USP8: variants seen among roughly 807,000 people sequenced by gnomAD.
USP8 encodes the protein ubiquitin specific peptidase 8.
USP8 carries 27 observed loss-of-function variants against 130.0 expected under a neutral mutation model. The observed-to-expected ratio is 0.21, with a 90% CI of 0.15 to 0.29. The LOEUF (loss-of-function observed/expected upper bound fraction) is 0.29. Ranked by LOEUF, USP8 falls within the 10% of genes least tolerant of loss-of-function variation. The pLI, the probability that USP8 is intolerant of heterozygous loss-of-function variation, is 1.00. For missense variants in USP8, 1,029 were observed against 1,312.2 expected, an observed-to-expected ratio of 0.78 and a Z score of 3.33; for synonymous variants, 392 against 444.1, an observed-to-expected ratio of 0.88 and a Z score of 1.48.
chr15:50,438,408 A>C (rs1210776117), intron 1 of USP8, among the ~76,000 whole-genome samples: 1 of 152,158 alleles, frequency 6.6e-6, no homozygotes, highest in Non-Finnish European at 1.5e-5. Context: ...ATATGACGAA[A>C]CCCCGTATCT....
chr15:50,494,287 A>AAT lies in USP8; in HGVS notation c.2658+8_2658+9dup. 1 of 1,590,274 alleles carries AAT rather than the reference A, an allele frequency of 6.3e-7. No individual in the cohort carries two copies. The highest frequency in any genetic ancestry group is 8.5e-7 in the Non-Finnish European group (1 of 1,172,800). ...CCATGAAGATCTAAATAAAGTAAGA[A>AAT]ATTTGATTTTTCTAAGTTGCAGAGA... On this transcript the variant is annotated splice_region_variant and intron_variant, in intron 16 of 19. Coordinates refer to ENST00000307179, the MANE Select transcript of USP8 (RefSeq NM_005154.5).
intron 17 of USP8, 68 bp from the exon 18 acceptor site, chr15:50,497,021 A>C (rs2141329198): frequency 5.2e-6 from 8 of 1,535,062 alleles, no homozygotes; most frequent in Non-Finnish European, 7.0e-6. Flanking sequence ...GACTAACTAA[A>C]TAGGTGCTCT....
Position 50,489,857 on chromosome 15 carries a change from A to G in USP8, c.1947A>G (p.Pro649=), listed in dbSNP as rs777660185. 7 of 1,584,782 alleles carry G rather than the reference A, an allele frequency of 4.4e-6. No homozygotes were observed. The highest frequency in any genetic ancestry group is 6.0e-6 in the Non-Finnish European group (7 of 1,166,684). ...GTGAAGAAATGGGGAGGATCGTACC[A>G]GGACTGCCTTCAGGCTGGGCCAAGG... The part of the protein sequence containing the change: ...ARSEEMGRIV[P]GLPSGWAKFL... The change falls in exon 13 of 20, where the codon CCA becomes CCG. Residue 649 remains proline, a synonymous_variant. Transcript: ENST00000307179.
intron 15 of USP8, chr15:50,493,203 G>C: frequency 1.9e-6 from 1 of 519,076 alleles, no homozygotes; most frequent in Non-Finnish European, 3.7e-6. Context: ...TCACCCGGGA[G>C]GGGAGCCCTC....
chr15:50,489,004 C>T lies in USP8; in HGVS notation c.1891-797C>T, dbSNP rs118063356. Reference sequence around the variant, plus strand: ...AGTGCTGGATTACAGGCATGAGCCACCCTGCCTGGCCTAGAATGTATGTAT... The same window carrying T: ...AGTGCTGGATTACAGGCATGAGCCATCCTGCCTGGCCTAGAATGTATGTAT... On this transcript the variant is annotated intron_variant, in intron 12 of 19. Coordinates refer to ENST00000307179, the MANE Select transcript of USP8 (RefSeq NM_005154.5). 2.0e-4 allele frequency among the ~76,000 whole-genome samples: 31 copies of T among 152,168 alleles called. No individual in the cohort carries two copies. In the East Asian group the frequency reaches 6.0e-3, roughly 29 times the overall value.
chr15:50,470,745 G>C (rs908382677), intron 7 of USP8, among the ~76,000 whole-genome samples: 1 of 151,746 alleles, frequency 6.6e-6, no homozygotes, highest in African/African-American at 2.4e-5. Flanking sequence ...GATTACAGGC[G>C]CCTGCCACCA....
intron 8 of USP8, among the ~76,000 whole-genome samples, 169 bp from the exon 9 acceptor site, chr15:50,476,680 C>T (rs1045586479): frequency 6.6e-6 from 1 of 151,916 alleles, no homozygotes; most frequent in African/African-American, 2.4e-5. Context: ...AAAACCTCAC[C>T]TATATAACCA....
chr15:50,447,178 A>T (rs1000514209), intron 3 of USP8, among the ~76,000 whole-genome samples: 1 of 152,146 alleles, frequency 6.6e-6, no homozygotes, highest in African/African-American at 2.4e-5. Context: ...TTAATTCTTC[A>T]TATGCTCCAG....
Position 50,464,439 on chromosome 15 carries a change from A to G in USP8, c.542-608A>G, listed in dbSNP as rs543061221. On this transcript the variant is annotated intron_variant, in intron 6 of 19. Transcript: ENST00000307179. Reference sequence around the variant, plus strand: ...CATACTATTTTCCTGAGACACATATATTAATGTTCTTTATTTTATGTTGGT... The same window carrying G: ...CATACTATTTTCCTGAGACACATATGTTAATGTTCTTTATTTTATGTTGGT... Among the ~76,000 whole-genome samples, 15 of 152,320 alleles carry G rather than the reference A, an allele frequency of 9.8e-5. 1 individual carries two copies. In the South Asian group the frequency reaches 3.1e-3, roughly 32 times the overall value.
In USP8 at chr15:50,504,567, A is replaced by G; in HGVS notation, c.*5479A>G. On this transcript the variant is annotated 3_prime_UTR_variant, in exon 20 of 20. Transcript: ENST00000307179. ...CACCAGAAAAGACACCATTTTATAT[A>G]GGGCCCTTGAGCATCTGTGGATTTT... 1 of 152,312 alleles carries G rather than the reference A, an allele frequency of 6.6e-6. No homozygotes were observed. The highest frequency in any genetic ancestry group is 1.5e-5 in the Non-Finnish European group (1 of 68,052). 9.4% of individuals were successfully genotyped at this position (152,312 alleles called of 1,614,324 possible).
Position 50,439,047 on chromosome 15 carries a change from A to G in USP8, c.-27A>G, listed in dbSNP as rs1448156559. On this transcript the variant is annotated 5_prime_UTR_variant, in exon 2 of 20. Coordinates refer to ENST00000307179, the MANE Select transcript of USP8 (RefSeq NM_005154.5). ...GTAAGGAAATATAGCATCCATTGTG[A>G]AAGTGGAAAAGTAAAGATAATTCAT... 1 of 1,522,740 alleles carries G rather than the reference A, an allele frequency of 6.6e-7. No homozygotes were observed. Among genetic ancestry groups the G allele is most frequent in the Non-Finnish European group, 9.1e-7 (1 of 1,101,946 alleles). 94.3% of individuals were successfully genotyped at this position (1,522,740 alleles called of 1,614,324 possible). A position where few individuals can be genotyped will look rare whatever the true frequency, so the allele number is the denominator to read the frequency against.
intron 3 of USP8, among the ~76,000 whole-genome samples, chr15:50,445,165 T>TA (rs2050383967): frequency 6.6e-6 from 1 of 152,152 alleles, no homozygotes; most frequent in African/African-American, 2.4e-5. Flanking sequence ...TTCTATTTTT[T>TA]ACCCTTTAGA....
chr15:50,447,132 T>C (rs2050469125), intron 3 of USP8, among the ~76,000 whole-genome samples: 1 of 152,252 alleles, frequency 6.6e-6, no homozygotes, highest in African/African-American at 2.4e-5. Flanking sequence ...TTTATAATAA[T>C]ATTTGTAAAT....
chr15:50,449,415 A>G lies in USP8; in HGVS notation c.265A>G (p.Ile89Val), dbSNP rs1434934283. The G allele has an allele frequency of 2.5e-5, 40 of 1,585,854 alleles. No homozygotes were observed. The highest frequency in any genetic ancestry group is 3.2e-5 in the Non-Finnish European group (37 of 1,165,428). Residue 89 changes from isoleucine (I) to valine (V), a missense_variant, in exon 4 of 20, where the codon ATA (isoleucine) becomes GTA (valine). By Grantham distance (29) the Ile-to-Val change is conservative. Transcript: ENST00000307179. ...ATAATTTTAGGATTATTTCCATTCA[A>G]TACTTGGACCTGGAAACATCAAAAA... is the stretch of plus-strand genomic sequence containing the variant. ...FKQQQDYFHS[I>V]LGPGNIKKAV...
rs371701677 is a variant in USP8 at position 50,439,189 on chromosome 15, C to T, written c.104+12C>T. ...ATAAGCACTAAGAGGTATGATGTAT[C>T]CTTCGCTAGTTTGATTGAATCAAAT... On this transcript the variant is annotated intron_variant, in intron 2 of 19. Transcript: ENST00000307179. The T allele has an allele frequency of 9.2e-6, 13 of 1,405,590 alleles. No homozygotes were observed. The African/African-American group carries it at 1.9e-4, about 21-fold the overall frequency. 87.1% of individuals were successfully genotyped at this position (1,405,590 alleles called of 1,614,324 possible).
Position 50,459,044 on chromosome 15 carries a change from G to A in USP8, c.380G>A (p.Arg127Lys). 6.2e-7 allele frequency: 1 copy of A among 1,613,790 alleles called. No individual in the cohort carries two copies. ...CGGAAAAAACTTGAGGAAAAAGACA[G>A]GCAGGAGGAAGCACAGCGGCTACAA... Reference protein sequence around the residue: ...EVRKKLEEKDRQEEAQRLQQK... With the variant: ...EVRKKLEEKDKQEEAQRLQQK... Residue 127 changes from arginine to lysine, a missense_variant, in exon 5 of 20, where the codon AGG becomes AAG. Physicochemically the swap from Arg to Lys is conservative, Grantham distance 26 (BLOSUM62 2). Coordinates refer to ENST00000307179, the MANE Select transcript of USP8 (RefSeq NM_005154.5).
At position 50,503,526 on chromosome 15, in the gene USP8, A is replaced by G. The variant is rs1596002472; in HGVS notation, c.*4438A>G. ...TCCACATACAAAGCCAGGACCTTTAAAGACATTCACCCTCAATGGAAGGAT... is the reference window on the plus strand; with the variant it reads ...TCCACATACAAAGCCAGGACCTTTAGAGACATTCACCCTCAATGGAAGGAT... On this transcript the variant is annotated 3_prime_UTR_variant, in exon 20 of 20. Coordinates refer to ENST00000307179, the MANE Select transcript of USP8 (RefSeq NM_005154.5). 2 of 152,208 alleles carry G rather than the reference A, an allele frequency of 1.3e-5. No individual in the cohort carries two copies. Among genetic ancestry groups the G allele is most frequent in the Non-Finnish European group, 2.9e-5 (2 of 68,046 alleles). The allele number at this position is 152,208 out of a possible 1,614,324, so 9.4% of individuals were successfully genotyped here.
At chr15:50,442,587 T>TAA (rs145963197) in intron 3 of USP8, among the ~76,000 whole-genome samples, 1 of 151,284 alleles carries the variant, frequency 6.6e-6, no homozygotes. Context: ...GTACTAAAAG[T>TAA]AAAAAAAACT....
chr15:50,494,044 T>G, intron 15 of USP8, 26 bp from the exon 16 acceptor site: 3 of 1,592,242 alleles, frequency 1.9e-6, no homozygotes, highest in Non-Finnish European at 2.6e-6. Flanking sequence ...CTTTATTGTC[T>G]TTTGTAACAA....
Sources: allele counts gnomAD v4.1 joint callset (sites outside exome capture counted in the v4.1 genomes callset), GRCh38; gene constraint gnomAD v4.1.1; transcripts MANE v1.5; gene names NCBI Gene and HGNC (gene_info 2026-07-23, HGNC 2026-07-21).